COPG2: variants seen among roughly 807,000 people sequenced by gnomAD.
COPG2 encodes coatomer subunit gamma-2.
In COPG2, 37 loss-of-function variants were observed where a neutral mutation model predicts 46.3. That is an observed-to-expected ratio of 0.80 (90% CI 0.61 to 1.05). The LOEUF is 1.05. Ranked by LOEUF, COPG2 falls within the 50% of genes least tolerant of loss-of-function variation. The pLI is 0.00. For synonymous variants in COPG2, 159 were observed against 129.7 expected (o/e 1.23, Z -1.53); for missense variants, 427 against 387.8 (o/e 1.10, Z -0.85).
In COPG2 at chr7:130,534,436, G is replaced by A. The variant is rs1215005470; in HGVS notation, c.2149+13238C>T. ...TAATCCTTGGTTTTGCTATCCAAGA[G>A]TGGGAGAAAGATATGGAGGTGCAGC... On this transcript the variant is annotated intron_variant, in intron 20 of 23. Coordinates refer to ENST00000425248, the MANE Select transcript of COPG2 (RefSeq NM_012133.6). Among the ~76,000 whole-genome samples, 14 of 152,322 alleles carry A rather than the reference G, an allele frequency of 9.2e-5. No individual in the cohort carries two copies. The South Asian group carries it at 2.7e-3, about 29-fold the overall frequency.
At chr7:130,532,840 G>A (rs1221600923) in intron 20 of COPG2, among the ~76,000 whole-genome samples, 1 of 152,270 alleles carries the variant, frequency 6.6e-6, no homozygotes, top group East Asian at 1.9e-4. Flanking sequence ...ATCTGGTGGA[G>A]CAGTGGGTGC....
chr7:130,642,512 T>C (rs1795512035), intron 5 of COPG2, among the ~76,000 whole-genome samples: 1 of 152,230 alleles, frequency 6.6e-6, no homozygotes, highest in Non-Finnish European at 1.5e-5. Flanking sequence ...TATATTCTTT[T>C]GTGTCTGTTT....
At position 130,668,489 on chromosome 7, in the gene COPG2, G is replaced by C. The variant is rs1400238445; in HGVS notation, c.37+143C>G. On this transcript the variant is annotated intron_variant, in intron 1 of 23. Coordinates refer to ENST00000425248, the MANE Select transcript of COPG2 (RefSeq NM_012133.6). ...GGCAGGCCCCGGGCAGCCGCGAGGG[G>C]AGGGGAGGGGCCGGCTCCAGCTCCG... The C allele has an allele frequency of 1.7e-5, 10 of 580,902 alleles. No homozygotes were observed. The African/African-American group carries it at 1.8e-4, about 10-fold the overall frequency. 36.0% of individuals were successfully genotyped at this position (580,902 alleles called of 1,614,324 possible).
chr7:130,582,263 A>G (rs1794164906), intron 9 of COPG2, among the ~76,000 whole-genome samples: 1 of 149,456 alleles, frequency 6.7e-6, no homozygotes, highest in Non-Finnish European at 1.5e-5. Context: ...TCCCTATTTA[A>G]TAAATGGTGC....
At position 130,619,624 on chromosome 7, in the gene COPG2, A is replaced by G. The variant is rs183823978; in HGVS notation, c.324-2559T>C. 1.2e-3 allele frequency among the ~76,000 whole-genome samples: 182 copies of G among 152,352 alleles called. 2 individuals are homozygous for G. Among genetic ancestry groups the G allele is most frequent in the African/African-American group, 4.0e-3 (166 of 41,580 alleles). ...TTTAACCCTACTTCTATAATTGAATACATTCAATGCTCACTGGTAATTCAT... is the reference window on the plus strand; with the variant it reads ...TTTAACCCTACTTCTATAATTGAATGCATTCAATGCTCACTGGTAATTCAT... On this transcript the variant is annotated intron_variant, in intron 5 of 23. Transcript: ENST00000425248.
chr7:130,636,624 G>C (rs1554456329), intron 5 of COPG2, among the ~76,000 whole-genome samples: 2 of 140,142 alleles, frequency 1.4e-5, no homozygotes, highest in African/African-American at 5.4e-5. Context: ...GTCTCTGCAT[G>C]TGAGATCAGT....
At position 130,667,534 on chromosome 7, in the gene COPG2, C is replaced by T. The variant is rs782468036; in HGVS notation, c.38G>A (p.Gly13Asp). The T allele has an allele frequency of 1.2e-6, 2 of 1,613,026 alleles. No individual in the cohort carries two copies. The highest frequency in any genetic ancestry group is 2.2e-5 in the South Asian group (2 of 90,960). Residue 13 changes from glycine (G) to aspartate (D), a missense_variant and splice_region_variant, in exon 2 of 24, where the codon GGT (glycine) becomes GAT (aspartate). Transcript: ENST00000425248. Reference protein sequence around the residue: ...KKFDKKDEESGSGSNPFQHLE... With the variant: ...KKFDKKDEESDSGSNPFQHLE... Reference sequence around the variant, plus strand: ...ATGCTGGAAAGGATTGGAGCCACTACCTATTTATAAAACAAAACAAAAAAA... The same window carrying T: ...ATGCTGGAAAGGATTGGAGCCACTATCTATTTATAAAACAAAACAAAAAAA...
intron 9 of COPG2, among the ~76,000 whole-genome samples, chr7:130,602,304 G>T (rs1333891943): frequency 6.6e-6 from 1 of 151,476 alleles, no homozygotes; most frequent in African/African-American, 2.4e-5. Flanking sequence ...CATTTTCTTC[G>T]ACATTTTGAA....
intron 20 of COPG2, among the ~76,000 whole-genome samples, chr7:130,536,982 G>A (rs1427924945): frequency 6.6e-6 from 1 of 151,864 alleles, no homozygotes; most frequent in African/African-American, 2.4e-5. Context: ...CCTTAAGGAG[G>A]AGGGAGGAGG....
intron 20 of COPG2, among the ~76,000 whole-genome samples, chr7:130,512,527 T>G (rs1312322006): frequency 3.3e-5 from 5 of 151,752 alleles, no homozygotes; most frequent in Non-Finnish European, 7.4e-5. Context: ...CACTTGTAAT[T>G]CCAGCATTTT....
Position 130,550,589 on chromosome 7 carries a change from G to A in COPG2, c.1709C>T (p.Ser570Leu). Residue 570 changes from serine to leucine, a missense_variant, in exon 17 of 24, where the codon TCA becomes TTA. Ser to Leu is a moderately radical substitution (Grantham distance 145, BLOSUM62 -2). Coordinates refer to ENST00000425248, the MANE Select transcript of COPG2 (RefSeq NM_012133.6). ...TGATTTCATGTCAAACGGTTTTTCT[G>A]AAGGCTCCAACGTGTACTGGTGTAA... ...KALHQYTLEP[S>L]EKPFDMKSIP... 2.5e-6 allele frequency: 1 copy of A among 398,208 alleles called. No individual in the cohort carries two copies. Among genetic ancestry groups the A allele is most frequent in the Admixed American group, 4.4e-5 (1 of 22,716 alleles). The allele number at this position is 398,208 out of a possible 1,614,324, so 24.7% of individuals were successfully genotyped here. A position where few individuals can be genotyped will look rare whatever the true frequency, so the allele number is the denominator to read the frequency against.
At chr7:130,632,330 A>G (rs921723754) in intron 5 of COPG2, among the ~76,000 whole-genome samples, 5 of 152,144 alleles carry the variant, frequency 3.3e-5, no homozygotes, top group African/African-American at 1.2e-4. Context: ...ACCCACAGTG[A>G]TGTGTATATG....
At chr7:130,652,646 A>C (rs563788342) in intron 5 of COPG2, among the ~76,000 whole-genome samples, 2 of 152,134 alleles carry the variant, frequency 1.3e-5, no homozygotes, top group Non-Finnish European at 2.9e-5. Flanking sequence ...GAAAATTTTG[A>C]TGCACTCAAA....
intron 9 of COPG2, among the ~76,000 whole-genome samples, chr7:130,593,748 T>TA (rs1794475645): frequency 7.1e-6 from 1 of 140,720 alleles, no homozygotes; most frequent in Non-Finnish European, 1.6e-5. Context: ...TGCTACCTTA[T>TA]ACTATATCCA....
chr7:130,552,338 G>A lies in COPG2; in HGVS notation c.1544+17C>T. 2 of 398,008 alleles carry A rather than the reference G, an allele frequency of 5.0e-6. No homozygotes were observed. Among genetic ancestry groups the A allele is most frequent in the Middle Eastern group, 6.3e-4 (1 of 1,588 alleles). 24.7% of individuals were successfully genotyped at this position (398,008 alleles called of 1,614,324 possible). On this transcript the variant is annotated intron_variant, in intron 15 of 23. Transcript: ENST00000425248. ...AGAATTCTTATTTTTTTTTAGAAAAGACATTATTTAACTTACCTCTGTAAG... is the reference window on the plus strand; with the variant it reads ...AGAATTCTTATTTTTTTTTAGAAAAAACATTATTTAACTTACCTCTGTAAG...
intron 20 of COPG2, among the ~76,000 whole-genome samples, chr7:130,528,222 C>T (rs1799792072): frequency 6.6e-6 from 1 of 151,934 alleles, no homozygotes; most frequent in Non-Finnish European, 1.5e-5. Context: ...GGAGTGGGGA[C>T]AGCAGTGAGC....
In COPG2 at chr7:130,590,467, G is replaced by A. The variant is rs1402320658; in HGVS notation, c.737+20486C>T. Among the ~76,000 whole-genome samples the A allele has an allele frequency of 7.2e-5, 11 of 152,274 alleles. No individual in the cohort carries two copies. The East Asian group carries it at 7.7e-4, about 11-fold the overall frequency. Reference sequence around the variant, plus strand: ...GAGACGGGGTTTCGCTGTGTTGGCCGGGCTGGTCTCCAGCTCCTAACCGCG... The same window carrying A: ...GAGACGGGGTTTCGCTGTGTTGGCCAGGCTGGTCTCCAGCTCCTAACCGCG... On this transcript the variant is annotated intron_variant, in intron 9 of 23. Coordinates refer to ENST00000425248, the MANE Select transcript of COPG2 (RefSeq NM_012133.6).
chr7:130,568,822 T>C (rs1793847748), intron 9 of COPG2, among the ~76,000 whole-genome samples: 2 of 151,938 alleles, frequency 1.3e-5, no homozygotes, highest in Non-Finnish European at 2.9e-5. Flanking sequence ...ACAAAACAAG[T>C]CTCAATAAAT....
intron 20 of COPG2, among the ~76,000 whole-genome samples, chr7:130,522,871 G>A (rs1442232771): frequency 1.3e-5 from 2 of 151,808 alleles, no homozygotes; most frequent in Non-Finnish European, 2.9e-5. Context: ...GAAGGCTCCA[G>A]GCTTGGGAGG....
Sources: gnomAD v4.1 joint callset for allele counts (sites outside exome capture counted in the v4.1 genomes callset) on GRCh38, gnomAD v4.1.1 for gene constraint, MANE v1.5 for transcripts, NCBI Gene and HGNC (gene_info 2026-07-23, HGNC 2026-07-21) for gene names.